The following FGGY variants were observed in gnomAD, a reference collection of about 807,000 sequenced individuals.
FGGY encodes FGGY carbohydrate kinase domain containing, also known as FGGY carbohydrate kinase domain-containing protein.
In FGGY, 72 loss-of-function variants were observed where a neutral mutation model predicts 71.3. The observed-to-expected ratio is 1.01, with a 90% CI of 0.84 to 1.23. FGGY has a LOEUF of 1.23. Ranked by LOEUF, FGGY falls within the 50% of genes most tolerant of loss-of-function variation. The pLI is 0.00. For synonymous variants in FGGY, 251 were observed against 250.3 expected (o/e 1.00, Z -0.02); for missense variants, 668 against 682.3 (o/e 0.98, Z 0.23).
intron 8 of FGGY, among the ~76,000 whole-genome samples, chr1:59,604,806 A>G (rs2096608013): frequency 6.6e-6 from 1 of 152,216 alleles, no homozygotes; most frequent in African/African-American, 2.4e-5. Context: ...AAGGGGCTGC[A>G]AGACACAGAA....
chr1:59,330,577 A>G (rs1380253231), intron 2 of FGGY, among the ~76,000 whole-genome samples: 2 of 151,822 alleles, frequency 1.3e-5, no homozygotes, highest in African/African-American at 2.4e-5. Context: ...TCAAAAAAAA[A>G]AAAAAGAAAA....
At position 59,469,404 on chromosome 1, in the gene FGGY, G is replaced by A. The variant is rs146133847; in HGVS notation, c.670+12328G>A. ...CAAGAGTGTGGGACTGCACACACAA[G>A]AATGAGAGAGGGCAAGAGGGGGCTT... On this transcript the variant is annotated intron_variant, in intron 6 of 15. Coordinates refer to ENST00000303721, the MANE Select transcript of FGGY (RefSeq NM_018291.5). Among the ~76,000 whole-genome samples the A allele has an allele frequency of 3.2e-3, 492 of 152,274 alleles. 4 individuals carry two copies. The highest frequency in any genetic ancestry group is 0.011 in the African/African-American group (472 of 41,556).
intron 4 of FGGY, among the ~76,000 whole-genome samples, chr1:59,376,582 C>A (rs909318070): frequency 1.3e-5 from 2 of 152,092 alleles, no homozygotes; most frequent in African/African-American, 4.8e-5. Flanking sequence ...CATGTGGAAG[C>A]CCTTTATAAA....
chr1:59,543,389 A>G (rs909559492), intron 7 of FGGY, among the ~76,000 whole-genome samples: 2 of 143,624 alleles, frequency 1.4e-5, no homozygotes, highest in African/African-American at 5.7e-5. Context: ...CAGGTTCAGA[A>G]TCTATTTGTC....
intron 5 of FGGY, among the ~76,000 whole-genome samples, chr1:59,421,102 G>C (rs1232688007): frequency 6.6e-6 from 1 of 152,138 alleles, no homozygotes; most frequent in Non-Finnish European, 1.5e-5. Flanking sequence ...AGCCACTTAG[G>C]TGGACCAGTT....
At chr1:59,596,590 T>A (rs2096527282) in intron 8 of FGGY, among the ~76,000 whole-genome samples, 1 of 152,148 alleles carries the variant, frequency 6.6e-6, no homozygotes, top group Non-Finnish European at 1.5e-5. Context: ...CAGTTTCCTT[T>A]TCCATTAAAA....
chr1:59,537,795 TG>T (rs1244788594), intron 7 of FGGY, among the ~76,000 whole-genome samples: 1 of 152,164 alleles, frequency 6.6e-6, no homozygotes, highest in African/African-American at 2.4e-5. Flanking sequence ...GCTAGCCATA[TG>T]GAGAAAGCTG....
intron 6 of FGGY, among the ~76,000 whole-genome samples, chr1:59,473,791 A>G (rs2093119681): frequency 6.6e-6 from 1 of 152,216 alleles, no homozygotes; most frequent in Admixed American, 6.5e-5. Context: ...CTGCCAATGC[A>G]GTAAATAACA....
At chr1:59,568,847 TA>T (rs1181353754) in intron 8 of FGGY, among the ~76,000 whole-genome samples, 1 of 152,132 alleles carries the variant, frequency 6.6e-6, no homozygotes, top group Non-Finnish European at 1.5e-5. Context: ...ATACAGTAGG[TA>T]GTCAACACAT....
rs80003234 is a variant in FGGY at position 59,627,258 on chromosome 1, A to C, written c.1073+1209A>C. Among the ~76,000 whole-genome samples the C allele has an allele frequency of 7.6e-3, 1,149 of 152,004 alleles. 18 individuals are homozygous for C. The highest frequency in any genetic ancestry group is 0.026 in the African/African-American group (1,098 of 41,500). On this transcript the variant is annotated intron_variant, in intron 10 of 15. Transcript: ENST00000303721. ...TATGGCTAAAGAGAAAAATAACCAT[A>C]CATAAATATTATACTCTAATTGGTA...
At chr1:59,329,107 C>T (rs1338891594) in intron 2 of FGGY, among the ~76,000 whole-genome samples, 4 of 151,924 alleles carry the variant, frequency 2.6e-5, no homozygotes, top group Non-Finnish European at 5.9e-5. Flanking sequence ...GTAAAAAACA[C>T]AATCTGCAAG....
At chr1:59,421,364 C>T (rs1272354427) in intron 5 of FGGY, among the ~76,000 whole-genome samples, 1 of 152,050 alleles carries the variant, frequency 6.6e-6, no homozygotes, top group Admixed American at 6.5e-5. Context: ...AAAGATACCT[C>T]CTTTTATAGA....
chr1:59,750,942 C>T (rs936913701), intron 14 of FGGY, among the ~76,000 whole-genome samples: 3 of 151,416 alleles, frequency 2.0e-5, no homozygotes, highest in Non-Finnish European at 4.4e-5. Context: ...TGTATTGATG[C>T]ATCTCACTGA....
intron 6 of FGGY, among the ~76,000 whole-genome samples, chr1:59,475,747 C>T (rs551906552): frequency 1.3e-4 from 20 of 152,328 alleles, no homozygotes; most frequent in Admixed American, 5.2e-4. Flanking sequence ...CTATTAGTAT[C>T]GTAGTTCAAA....
At chr1:59,643,724 A>G (rs1289658241) in intron 11 of FGGY, among the ~76,000 whole-genome samples, 1 of 152,250 alleles carries the variant, frequency 6.6e-6, no homozygotes, top group African/African-American at 2.4e-5. Flanking sequence ...CATATGTTTT[A>G]AATTTACTCT....
chr1:59,649,990 C>T (rs1450518570), intron 11 of FGGY, among the ~76,000 whole-genome samples: 3 of 148,060 alleles, frequency 2.0e-5, no homozygotes, highest in Non-Finnish European at 4.4e-5. Flanking sequence ...AAGGCTTTTT[C>T]TGCATCTGTT....
intron 14 of FGGY, chr1:59,698,890 T>C (rs2097687010): frequency 1.2e-5 from 12 of 985,360 alleles, no homozygotes; most frequent in African/African-American, 1.7e-5. Context: ...ACATGTCGTA[T>C]GTTTTATGTG....
chr1:59,648,422 CT>C (rs2097121527), intron 11 of FGGY, among the ~76,000 whole-genome samples: 1 of 131,384 alleles, frequency 7.6e-6, no homozygotes, highest in Non-Finnish European at 1.6e-5. Flanking sequence ...TGTTTCCTGA[CT>C]TTTTAATGAT....
chr1:59,590,014 G>C (rs1571767933), intron 8 of FGGY, among the ~76,000 whole-genome samples: 1 of 151,850 alleles, frequency 6.6e-6, no homozygotes, highest in Admixed American at 6.6e-5. Context: ...TTTTTTGAAA[G>C]GATCAACAAA....
Sources: allele counts gnomAD v4.1 joint callset (sites outside exome capture counted in the v4.1 genomes callset), GRCh38; gene constraint gnomAD v4.1.1; transcripts MANE v1.5; gene names NCBI Gene and HGNC (gene_info 2026-07-23, HGNC 2026-07-21).